The following KSR2 variants were observed in gnomAD, a reference collection of about 807,000 sequenced individuals.
KSR2 encodes kinase suppressor of ras 2.
Under a neutral mutation model 107.8 loss-of-function variants are expected in KSR2, and 25 were observed. The ratio of observed to expected loss-of-function variants is 0.23; its 90% confidence interval spans 0.17 to 0.32. The LOEUF (loss-of-function observed/expected upper bound fraction) is 0.32, where lower values mean the gene tolerates loss of function less well. Among genes scored for constraint, KSR2 ranks in the 10% least tolerant of loss-of-function variants. The pLI is 1.00. For synonymous variants in KSR2, 480 were observed against 507.0 expected, an observed-to-expected ratio of 0.95 and a Z score of 0.71; for missense variants, 887 against 1,268.9, an observed-to-expected ratio of 0.70 and a Z score of 4.57.
At chr12:117,952,305 A>G (rs1449589899) in intron 1 of KSR2, among the ~76,000 whole-genome samples, 3 of 152,126 alleles carry the variant, frequency 2.0e-5, no homozygotes, top group African/African-American at 7.2e-5. Flanking sequence ...CACCTTAAAT[A>G]CACACAATTT....
intron 5 of KSR2, among the ~76,000 whole-genome samples, chr12:117,618,196 T>C (rs1881986043): frequency 6.6e-6 from 1 of 152,150 alleles, no homozygotes; most frequent in Non-Finnish European, 1.5e-5. Context: ...ACTAATTCAA[T>C]CAAGGATTGA....
chr12:117,932,294 T>A (rs1388786107), intron 1 of KSR2, among the ~76,000 whole-genome samples: 1 of 151,876 alleles, frequency 6.6e-6, no homozygotes, highest in East Asian at 1.9e-4. Context: ...TCTCAAAAAA[T>A]TTAATTAATT....
chr12:117,843,547 T>C (rs1359689523), intron 3 of KSR2, among the ~76,000 whole-genome samples: 1 of 152,170 alleles, frequency 6.6e-6, no homozygotes, highest in Non-Finnish European at 1.5e-5. Context: ...AAAAGTGAAG[T>C]TGTACAAGGC....
intron 4 of KSR2, among the ~76,000 whole-genome samples, chr12:117,684,342 C>T (rs553581132): frequency 6.6e-6 from 1 of 152,202 alleles, no homozygotes; most frequent in African/African-American, 2.4e-5. Context: ...TGGCTCCCAG[C>T]ACCCAGCACA....
intron 1 of KSR2, among the ~76,000 whole-genome samples, chr12:117,874,912 C>T (rs1893782452): frequency 3.3e-5 from 5 of 152,092 alleles, no homozygotes; most frequent in Admixed American, 3.3e-4. Flanking sequence ...TCTGACTCTG[C>T]ACTGCCCAGG....
At position 117,623,930 on chromosome 12, in the gene KSR2, T is replaced by A. The variant is rs1593062765; in HGVS notation, c.1172-41571A>T. Among the ~76,000 whole-genome samples the A allele has an allele frequency of 2.6e-5, 4 of 152,324 alleles. No individual in the cohort carries two copies. In the South Asian group the frequency reaches 8.3e-4, roughly 32 times the overall value. ...TTCTAATGACTGCCATTCTAACTGG[T>A]GTGAGATGGTATCTCATTGTGGTTT... On this transcript the variant is annotated intron_variant, in intron 5 of 19. Coordinates refer to ENST00000339824, the MANE Select transcript of KSR2 (RefSeq NM_173598.6).
chr12:117,690,220 T>C (rs1885756311), intron 4 of KSR2, among the ~76,000 whole-genome samples: 1 of 152,148 alleles, frequency 6.6e-6, no homozygotes, highest in South Asian at 2.1e-4. Context: ...CCCCAGTCTA[T>C]AGAACAGACC....
rs569660856 is a variant in KSR2, at chr12:117,469,137, G to T, written c.2846+525C>A. On this transcript the variant is annotated intron_variant, in intron 19 of 19. Coordinates refer to ENST00000339824, the MANE Select transcript of KSR2 (RefSeq NM_173598.6). ...CTACTGATCTCCAGCCAGAAACAAG[G>T]GGGAGGAGCATGGTCTGGAGCCTCT... 6.6e-5 allele frequency among the ~76,000 whole-genome samples: 10 copies of T among 152,322 alleles called. No individual in the cohort carries two copies. The South Asian group carries it at 8.3e-4, about 13-fold the overall frequency.
At chr12:117,558,428 G>T in intron 8 of KSR2, 78 bp downstream of exon 8, 1 of 1,138,728 alleles carries the variant, frequency 8.8e-7, no homozygotes, top group Non-Finnish European at 1.3e-6. Context: ...GAACCAACCT[G>T]ATGGGACAGC....
intron 5 of KSR2, among the ~76,000 whole-genome samples, chr12:117,616,177 A>C (rs11068574): frequency 6.7e-6 from 1 of 148,390 alleles, no homozygotes; most frequent in South Asian, 2.1e-4. Context: ...AAAAAAAAAC[A>C]GATTTTAAAA....
intron 15 of KSR2, among the ~76,000 whole-genome samples, chr12:117,485,085 T>C (rs1389299528): frequency 6.6e-6 from 1 of 152,216 alleles, no homozygotes; most frequent in Non-Finnish European, 1.5e-5. Flanking sequence ...ACATCTTTTA[T>C]TTCCTCATGC....
chr12:117,704,712 A>T (rs909944559), intron 4 of KSR2, among the ~76,000 whole-genome samples: 55 of 152,096 alleles, frequency 3.6e-4, no homozygotes, highest in African/African-American at 1.3e-3. Flanking sequence ...ACAAAACATT[A>T]GCTGGGCATG....
chr12:117,674,817 G>T (rs1593118119), intron 4 of KSR2, among the ~76,000 whole-genome samples: 1 of 152,256 alleles, frequency 6.6e-6, no homozygotes, highest in East Asian at 1.9e-4. Flanking sequence ...ACCCCACAAA[G>T]GTTTCCAGTT....
chr12:117,707,603 C>T lies in KSR2; in HGVS notation c.987-39945G>A, dbSNP rs577586336. 1.5e-3 allele frequency among the ~76,000 whole-genome samples: 229 copies of T among 152,150 alleles called. 1 individual carries two copies. Among genetic ancestry groups the T allele is most frequent in the African/African-American group, 5.3e-3 (219 of 41,522 alleles). On this transcript the variant is annotated intron_variant, in intron 4 of 19. Coordinates refer to ENST00000339824, the MANE Select transcript of KSR2 (RefSeq NM_173598.6). ...GATATGAGGAATAAGAGTATTTTGG[C>T]ATGTGGGTTGTGCAGAAAACAAATG...
At chr12:117,865,184 T>C (rs1392534461) in intron 1 of KSR2, among the ~76,000 whole-genome samples, 1 of 152,234 alleles carries the variant, frequency 6.6e-6, no homozygotes, top group Non-Finnish European at 1.5e-5. Flanking sequence ...AAGTACAGGT[T>C]ACAGTTATAC....
At chr12:117,759,622 C>T (rs1232149329) in intron 4 of KSR2, among the ~76,000 whole-genome samples, 1 of 152,166 alleles carries the variant, frequency 6.6e-6, no homozygotes, top group Non-Finnish European at 1.5e-5. Flanking sequence ...AGTCTATATC[C>T]AATAAATAAC....
At chr12:117,733,179 C>T (rs1377367088) in intron 4 of KSR2, among the ~76,000 whole-genome samples, 1 of 152,154 alleles carries the variant, frequency 6.6e-6, no homozygotes, top group Non-Finnish European at 1.5e-5. Context: ...TTCTAGGGGG[C>T]TTCCTACTGA....
chr12:117,849,472 C>T (rs1372712494), intron 3 of KSR2, among the ~76,000 whole-genome samples: 3 of 152,180 alleles, frequency 2.0e-5, no homozygotes, highest in Non-Finnish European at 4.4e-5. Flanking sequence ...AAAGGTTAAG[C>T]TATCCTGGCT....
At chr12:117,613,396 C>T (rs1031257279) in intron 5 of KSR2, among the ~76,000 whole-genome samples, 10 of 152,202 alleles carry the variant, frequency 6.6e-5, no homozygotes, top group Admixed American at 2.0e-4. Flanking sequence ...AGACTTTCAG[C>T]TACTGGCCCT....
Sources: gnomAD v4.1 joint callset for allele counts (sites outside exome capture counted in the v4.1 genomes callset) on GRCh38, gnomAD v4.1.1 for gene constraint, MANE v1.5 for transcripts, NCBI Gene and HGNC (gene_info 2026-07-23, HGNC 2026-07-21) for gene names.